MEGF11: variants seen among roughly 807,000 people sequenced by gnomAD.
The protein encoded by MEGF11 is multiple epidermal growth factor-like domains protein 11.
A neutral mutation model predicts 146.6 loss-of-function variants in MEGF11; 126 were observed. The observed-to-expected ratio is 0.86, with a 90% CI of 0.74 to 1.00. The LOEUF (loss-of-function observed/expected upper bound fraction) is 1.00, where lower values mean the gene tolerates loss of function less well. Among genes scored for constraint, MEGF11 ranks in the 50% least tolerant of loss-of-function variants. The pLI, the probability that MEGF11 is intolerant of heterozygous loss-of-function variation, is 0.00. For missense variants in MEGF11, 1,509 were observed against 1,521.2 expected (o/e 0.99, Z 0.13); for synonymous variants, 532 against 583.4 (o/e 0.91, Z 1.27).
intron 1 of MEGF11, among the ~76,000 whole-genome samples, chr15:66,226,713 T>C (rs1216378010): frequency 2.6e-5 from 4 of 152,056 alleles, no homozygotes; most frequent in Non-Finnish European, 1.5e-5. Context: ...ATAGTCTATA[T>C]AGGGGTCGGT....
At chr15:66,011,471 C>T (rs1034998861) in intron 5 of MEGF11, among the ~76,000 whole-genome samples, 9 of 152,258 alleles carry the variant, frequency 5.9e-5, no homozygotes, top group East Asian at 3.9e-4. Context: ...TTGTGAACAT[C>T]GAGAAGTCAG....
At chr15:66,068,689 A>C (rs936025836) in intron 5 of MEGF11, among the ~76,000 whole-genome samples, 2 of 152,054 alleles carry the variant, frequency 1.3e-5, no homozygotes, top group Non-Finnish European at 2.9e-5. Flanking sequence ...GGCCATTGTC[A>C]TGGGTTCCAG....
intron 4 of MEGF11, among the ~76,000 whole-genome samples, chr15:66,109,377 C>T (rs1441567244): frequency 6.6e-6 from 1 of 152,196 alleles, no homozygotes; most frequent in Non-Finnish European, 1.5e-5. Flanking sequence ...TCCCACGTCT[C>T]GCCTTTGCTC....
intron 21 of MEGF11, among the ~76,000 whole-genome samples, chr15:65,911,460 G>A (rs1242561615): frequency 6.6e-6 from 1 of 152,206 alleles, no homozygotes. Flanking sequence ...TCGTCAGGCT[G>A]GAGTGCAGTG....
chr15:66,188,526 C>T (rs1032529315), intron 1 of MEGF11, among the ~76,000 whole-genome samples: 7 of 152,182 alleles, frequency 4.6e-5, no homozygotes, highest in African/African-American at 9.7e-5. Context: ...TAGACCTTCC[C>T]GCACACACGC....
At chr15:65,907,970 T>G (rs1417703164) in intron 23 of MEGF11, among the ~76,000 whole-genome samples, 1 of 152,226 alleles carries the variant, frequency 6.6e-6, no homozygotes, top group Admixed American at 6.5e-5. Context: ...AAATCTGGCC[T>G]AGTTCAGAGG....
At chr15:65,913,604 C>T (rs1596826467) in intron 20 of MEGF11, 133 bp downstream of exon 20, 3 of 777,482 alleles carry the variant, frequency 3.9e-6, no homozygotes, top group Admixed American at 2.3e-5. Context: ...TCCTGCTCCC[C>T]ATCCCCACTG....
chr15:65,986,792 C>CTTT (rs1491353062), intron 5 of MEGF11, among the ~76,000 whole-genome samples: 15 of 134,024 alleles, frequency 1.1e-4, no homozygotes, highest in African/African-American at 3.2e-4. Flanking sequence ...GCTGATTTTT[C>CTTT]CTTTTTTTTT....
At chr15:66,077,034 C>T (rs867817501) in intron 5 of MEGF11, among the ~76,000 whole-genome samples, 30 of 152,220 alleles carry the variant, frequency 2.0e-4, no homozygotes, top group African/African-American at 2.9e-4. Context: ...CACCAGGAAA[C>T]GCTGCAGAGT....
At chr15:66,137,225 G>T (rs1411992193) in intron 1 of MEGF11, among the ~76,000 whole-genome samples, 2 of 152,170 alleles carry the variant, frequency 1.3e-5, no homozygotes, top group Non-Finnish European at 2.9e-5. Context: ...GGGAAGGGAT[G>T]GAAGATTTGT....
chr15:66,043,816 G>A (rs1231013533), intron 5 of MEGF11, among the ~76,000 whole-genome samples: 1 of 152,246 alleles, frequency 6.6e-6, no homozygotes, highest in Non-Finnish European at 1.5e-5. Flanking sequence ...ACCAGCCCCA[G>A]AGCGGGAAGG....
chr15:66,084,161 G>A (rs112764907), intron 5 of MEGF11, among the ~76,000 whole-genome samples: 118 of 152,212 alleles, frequency 7.8e-4, no homozygotes, highest in African/African-American at 2.6e-3. Context: ...GACTACCATC[G>A]TATATGCGGT....
chr15:65,977,339 A>G (rs2081486929), intron 7 of MEGF11, among the ~76,000 whole-genome samples: 3 of 152,056 alleles, frequency 2.0e-5, no homozygotes, highest in African/African-American at 2.4e-5. Flanking sequence ...GACACCCTCA[A>G]TGGACAGTGA....
At chr15:66,237,180 T>C (rs911153227) in intron 1 of MEGF11, among the ~76,000 whole-genome samples, 1 of 152,164 alleles carries the variant, frequency 6.6e-6, no homozygotes, top group Non-Finnish European at 1.5e-5. Context: ...CTCTCGTGAT[T>C]CACAGGAGGG....
At chr15:65,938,360 T>A (rs2079861148) in intron 10 of MEGF11, among the ~76,000 whole-genome samples, 1 of 152,228 alleles carries the variant, frequency 6.6e-6, no homozygotes, top group Admixed American at 6.5e-5. Context: ...AATGTGGGAA[T>A]TCTGGGTTGG....
At chr15:66,137,361 C>A (rs756438246) in intron 1 of MEGF11, among the ~76,000 whole-genome samples, 12 of 152,110 alleles carry the variant, frequency 7.9e-5, no homozygotes, top group Non-Finnish European at 1.5e-4. Context: ...GGGAAGATGA[C>A]CCTAAAGTCT....
At chr15:66,030,139 G>T (rs1317987382) in intron 5 of MEGF11, among the ~76,000 whole-genome samples, 1 of 152,224 alleles carries the variant, frequency 6.6e-6, no homozygotes, top group African/African-American at 2.4e-5. Flanking sequence ...CACACACAGA[G>T]ATTCAGACAT....
At chr15:65,995,874 G>T (rs946413410) in intron 5 of MEGF11, among the ~76,000 whole-genome samples, 1 of 152,156 alleles carries the variant, frequency 6.6e-6, no homozygotes, top group Non-Finnish European at 1.5e-5. Context: ...CACACAATGC[G>T]CCCTACTATA....
At chr15:65,976,260 T>G (rs1460315265) in intron 7 of MEGF11, among the ~76,000 whole-genome samples, 7 of 152,096 alleles carry the variant, frequency 4.6e-5, no homozygotes, top group African/African-American at 1.7e-4. Context: ...AGGCTGGTCT[T>G]GAACTCCTGA....
Sources: allele counts gnomAD v4.1 joint callset (sites outside exome capture counted in the v4.1 genomes callset), GRCh38; gene constraint gnomAD v4.1.1; transcripts MANE v1.5; gene names NCBI Gene and HGNC (gene_info 2026-07-23, HGNC 2026-07-21).